The following CFAP73 variants were observed in gnomAD, a reference collection of about 807,000 sequenced individuals.
CFAP73 encodes the protein cilia and flagella associated protein 73, also known as cilia- and flagella-associated protein 73.
A neutral mutation model predicts 42.9 loss-of-function variants in CFAP73; 33 were observed. The ratio of observed to expected loss-of-function variants is 0.77; its 90% CI spans 0.58 to 1.03. The LOEUF (loss-of-function observed/expected upper bound fraction) is 1.03, where lower values mean the gene tolerates loss of function less well. CFAP73 is among the 50% of genes least tolerant of loss of function. The pLI is 0.00. For missense variants in CFAP73, 392 were observed against 411.9 expected, an observed-to-expected ratio of 0.95 and a Z score of 0.42; for synonymous variants, 162 against 186.8, an observed-to-expected ratio of 0.87 and a Z score of 1.08.
At chr12:113,155,632 AGCCAT>A (rs1381570672) in intron 6 of CFAP73, among the ~76,000 whole-genome samples, 1 of 151,980 alleles carries the variant, frequency 6.6e-6, no homozygotes, top group African/African-American at 2.4e-5. Flanking sequence ...GCCAGAAGAA[AGCCAT>A]GCCCCTCTCT....
intron 1 of CFAP73, among the ~76,000 whole-genome samples, chr12:113,150,663 C>T (rs1952053811): frequency 6.6e-6 from 1 of 152,182 alleles, no homozygotes; most frequent in African/African-American, 2.4e-5. Flanking sequence ...TGGTCTCCCG[C>T]AGCTGCCCAC....
In CFAP73 at chr12:113,153,406, G is replaced by C; in HGVS notation, c.466G>C (p.Gly156Arg). The C allele has an allele frequency of 1.5e-5, 21 of 1,433,158 alleles. No homozygotes were observed. Among genetic ancestry groups the C allele is most frequent in the Non-Finnish European group, 1.9e-5 (21 of 1,099,626 alleles). The allele number at this position is 1,433,158 out of a possible 1,614,324, so 88.8% of individuals were successfully genotyped here. ...LLEQALELLP[G>R]FQEVPELVAR... ...GGAGCAAGCGCTGGAGCTGCTGCCC[G>C]GGGTGAGTCCGGGGCAGGAGGCTGG... Residue 156 changes from glycine (G) to arginine (R), a missense_variant and splice_region_variant, in exon 4 of 8, where the codon GGG becomes CGG. By Grantham distance (125) the Gly-to-Arg change is moderately radical. Transcript: ENST00000335621.
intron 6 of CFAP73, among the ~76,000 whole-genome samples, chr12:113,156,553 CT>C (rs1345763020): frequency 2.0e-5 from 3 of 152,046 alleles, no homozygotes; most frequent in Non-Finnish European, 4.4e-5. Flanking sequence ...GGCATCCCAC[CT>C]TTTCCCCAAC....
At chr12:113,155,171 AAAAG>A in intron 5 of CFAP73, 85 bp from the exon 6 acceptor site, 1 of 1,269,328 alleles carries the variant, frequency 7.9e-7, no homozygotes, top group Non-Finnish European at 1.1e-6. Context: ...CTCCATCTCA[AAAAG>A]AAAAAAAAAA....
chr12:113,157,822 A>G, intron 7 of CFAP73, 132 bp downstream of exon 7: 1 of 713,024 alleles, frequency 1.4e-6, no homozygotes, highest in Non-Finnish European at 2.4e-6. Context: ...GTGCCTGTTC[A>G]GAGTGCTGTG....
chr12:113,154,644 C>T lies in CFAP73; in HGVS notation c.690+9C>T. Reference sequence around the variant, plus strand: ...AGCGTACGCTGCAGTGGGTACGACCCGCCCTAGGTGGGGGGCGCTCCGGAC... The same window carrying T: ...AGCGTACGCTGCAGTGGGTACGACCTGCCCTAGGTGGGGGGCGCTCCGGAC... On this transcript the variant is annotated intron_variant, in intron 5 of 7. Transcript: ENST00000335621. This position sits in a 1 kb window ranked among gnomAD's most constrained non-coding sequence, Gnocchi z 4.7. 1 of 1,390,312 alleles carries T rather than the reference C, an allele frequency of 7.2e-7. No individual in the cohort carries two copies. Among genetic ancestry groups the T allele is most frequent in the South Asian group, 1.6e-5 (1 of 60,708 alleles). The allele number at this position is 1,390,312 out of a possible 1,614,324, so 86.1% of individuals were successfully genotyped here.
In CFAP73 at chr12:113,158,536, A is replaced by G. The variant is rs1952164421; in HGVS notation, c.*12-165A>G. ...TATTACATTAAAAATTCCATTGCCA[A>G]ACCCTGAGGCACTCAGGGCTCTGAC... On this transcript the variant is annotated intron_variant, in intron 7 of 7. Coordinates refer to ENST00000335621, the MANE Select transcript of CFAP73 (RefSeq NM_001144872.3). The surrounding 1 kb of genome is among the most constrained non-coding windows in gnomAD (Gnocchi z 4.9). 1 of 246,412 alleles carries G rather than the reference A, an allele frequency of 4.1e-6. No individual in the cohort carries two copies. Among genetic ancestry groups the G allele is most frequent in the Non-Finnish European group, 7.7e-6 (1 of 129,896 alleles). 15.3% of individuals were successfully genotyped at this position (246,412 alleles called of 1,614,324 possible). A position where few individuals can be genotyped will look rare whatever the true frequency, so the allele number is the denominator to read the frequency against.
At chr12:113,149,940 G>C in intron 1 of CFAP73, 27 bp downstream of exon 1, 1 of 1,547,716 alleles carries the variant, frequency 6.5e-7, no homozygotes, top group Non-Finnish European at 8.7e-7. Context: ...GGGAGGGAGG[G>C]CTAGAAGGAG....
intron 1 of CFAP73, among the ~76,000 whole-genome samples, chr12:113,150,671 C>T (rs1441513922): frequency 6.6e-6 from 1 of 152,162 alleles, no homozygotes; most frequent in African/African-American, 2.4e-5. Context: ...CGCAGCTGCC[C>T]ACTGTCCTTG....
In CFAP73 at chr12:113,155,440, A is replaced by T. The variant is rs760191994; in HGVS notation, c.849+22A>T. The T allele has an allele frequency of 1.9e-4, 289 of 1,523,012 alleles. 1 individual carries two copies. The highest frequency in any genetic ancestry group is 2.5e-4 in the Non-Finnish European group (283 of 1,128,314). The allele number at this position is 1,523,012 out of a possible 1,614,324, so 94.3% of individuals were successfully genotyped here. On this transcript the variant is annotated intron_variant, in intron 6 of 7. Transcript: ENST00000335621. Reference sequence around the variant, plus strand: ...GCACGTGAGGACCCCTCTTTATGGCACCTCCAGCCCCCAAACACTCCCTCT... The same window carrying T: ...GCACGTGAGGACCCCTCTTTATGGCTCCTCCAGCCCCCAAACACTCCCTCT...
chr12:113,151,883 T>C, intron 1 of CFAP73, 35 bp from the exon 2 acceptor site: 1 of 1,464,342 alleles, frequency 6.8e-7, no homozygotes, highest in Non-Finnish European at 9.4e-7. Flanking sequence ...GAAACATGCT[T>C]CCTTCACCCC....
At chr12:113,152,566 G>A (rs993514023) in intron 2 of CFAP73, among the ~76,000 whole-genome samples, 2 of 152,222 alleles carry the variant, frequency 1.3e-5, no homozygotes, top group Non-Finnish European at 1.5e-5. Context: ...AGGGCAGAGG[G>A]TAAGATGAGG....
Position 113,152,023 on chromosome 12 carries a change from G to T in CFAP73, c.162G>T (p.Glu54Asp). Residue 54 changes from glutamate (E) to aspartate (D), a missense_variant and splice_region_variant, in exon 2 of 8, where the codon GAG becomes GAT. Glu to Asp is a conservative substitution (Grantham distance 45). Transcript: ENST00000335621. ...DADQALQAQK[E>D]VFRTKTAALK... ...ACCAGGCCCTGCAGGCCCAGAAGGAGGTGAGCCCCCACTACTGTAACGAGG... is the reference window on the plus strand; with the variant it reads ...ACCAGGCCCTGCAGGCCCAGAAGGATGTGAGCCCCCACTACTGTAACGAGG... 5.2e-6 allele frequency: 8 copies of T among 1,550,030 alleles called. No individual in the cohort carries two copies. The highest frequency in any genetic ancestry group is 7.0e-6 in the Non-Finnish European group (8 of 1,145,780).
At chr12:113,152,921 TATGGGTAGCA>T in intron 3 of CFAP73, 34 bp downstream of exon 3, 3 of 1,441,210 alleles carry the variant, frequency 2.1e-6, no homozygotes, top group Non-Finnish European at 2.9e-6. Context: ...AGGCGGGGCC[TATGGGTAGCA>T]GCCCACACTC....
chr12:113,158,824 G>T lies in CFAP73; in HGVS notation c.*135G>T. 1 of 1,526,174 alleles carries T rather than the reference G, an allele frequency of 6.6e-7. No individual in the cohort carries two copies. The allele number at this position is 1,526,174 out of a possible 1,614,324, so 94.5% of individuals were successfully genotyped here. ...CACACAGTGGTGCACGGGAACGTCT[G>T]CTGATGCCCACCCTAAGGCCAATCA... On this transcript the variant is annotated 3_prime_UTR_variant, in exon 8 of 8. Transcript: ENST00000335621. The surrounding 1 kb of genome is among the most constrained non-coding windows in gnomAD (Gnocchi z 4.9).
Position 113,159,087 on chromosome 12 carries a change from T to C in CFAP73, c.*398T>C, listed in dbSNP as rs1403493163. 3 of 1,603,508 alleles carry C rather than the reference T, an allele frequency of 1.9e-6. No homozygotes were observed. The East Asian group carries it at 6.7e-5, about 36-fold the overall frequency. ...GGCGGACTCGGCCTGCAGGGGTGCC[T>C]GGGGCGTGGGGCCGGGATGCACCTG... is the stretch of plus-strand genomic sequence containing the variant. On this transcript the variant is annotated 3_prime_UTR_variant, in exon 8 of 8. Transcript: ENST00000335621.
chr12:113,158,003 C>A lies in CFAP73; in HGVS notation c.*11+313C>A. On this transcript the variant is annotated intron_variant, in intron 7 of 7. Transcript: ENST00000335621. This position sits in a 1 kb window ranked among gnomAD's most constrained non-coding sequence, Gnocchi z 4.9. ...TGAAAAAAAACTCTTTGTCAGGTCT[C>A]AGAACAGGGTCCATGCTAGATGAGA... 2.6e-6 allele frequency: 1 copy of A among 382,664 alleles called. No individual in the cohort carries two copies. Among genetic ancestry groups the A allele is most frequent in the Non-Finnish European group, 4.9e-6 (1 of 204,924 alleles). 23.7% of individuals were successfully genotyped at this position (382,664 alleles called of 1,614,324 possible). A position where few individuals can be genotyped will look rare whatever the true frequency, so the allele number is the denominator to read the frequency against.
chr12:113,155,268 G>A lies in CFAP73; in HGVS notation c.699G>A (p.Lys233=). 1 of 1,532,222 alleles carries A rather than the reference G, an allele frequency of 6.5e-7. No homozygotes were observed. The highest frequency in any genetic ancestry group is 8.8e-7 in the Non-Finnish European group (1 of 1,131,522). The allele number at this position is 1,532,222 out of a possible 1,614,324, so 94.9% of individuals were successfully genotyped here. A position where few individuals can be genotyped will look rare whatever the true frequency, so the allele number is the denominator to read the frequency against. ...GGGCGGGTGTTCTCCAGGAATCCAA[G>A]TGGATTCAGATTCAGAACACAGCAG... ...ARERTLQWES[K]WIQIQNTAAE... is the part of the protein sequence containing the mutation. Residue 233 remains lysine, a synonymous_variant, in exon 6 of 8, where the codon AAG becomes AAA. Transcript: ENST00000335621.
At position 113,154,451 on chromosome 12, in the gene CFAP73, G is replaced by A; in HGVS notation, c.506G>A (p.Gly169Asp). The A allele has an allele frequency of 6.5e-7, 1 of 1,546,904 alleles. No homozygotes were observed. The part of the protein sequence containing the change: ...EVPELVARFD[G>D]LAETQAALRL... ...CCGGAGCTGGTGGCGCGCTTCGACG[G>A]CCTGGCCGAGACGCAGGCGGCGCTG... Residue 169 changes from glycine (G) to aspartate (D), a missense_variant, in exon 5 of 8, where the codon GGC becomes GAC. By Grantham distance (94) the Gly-to-Asp change is moderately conservative (BLOSUM62 -1). Coordinates refer to ENST00000335621, the MANE Select transcript of CFAP73 (RefSeq NM_001144872.3). This position sits in a 1 kb window ranked among gnomAD's most constrained non-coding sequence, Gnocchi z 4.7.
Sources: allele counts gnomAD v4.1 joint callset (sites outside exome capture counted in the v4.1 genomes callset), GRCh38; gene constraint gnomAD v4.1.1; non-coding constraint Gnocchi (gnomAD v3.1); transcripts MANE v1.5; gene names NCBI Gene and HGNC (gene_info 2026-07-23, HGNC 2026-07-21).